ZC3H18: variants seen among roughly 807,000 people sequenced by gnomAD.
The protein encoded by ZC3H18 is zinc finger CCCH-type containing 18, also known as zinc finger CCCH domain-containing protein 18.
Under a neutral mutation model 106.1 loss-of-function variants are expected in ZC3H18, and 8 were observed. The observed-to-expected ratio is 0.08, with a 90% CI of 0.04 to 0.14. The LOEUF is 0.14. Ranked by LOEUF, ZC3H18 falls within the 10% of genes least tolerant of loss-of-function variation. ZC3H18 has a pLI of 1.00. For missense variants in ZC3H18, 1,318 were observed against 1,278.4 expected, an observed-to-expected ratio of 1.03 and a Z score of -0.47; for synonymous variants, 635 against 522.1, an observed-to-expected ratio of 1.22 and a Z score of -2.95.
rs1906364684 is a variant in ZC3H18 at position 88,627,176 on chromosome 16, T to G, written c.2109-446T>G. 1 of 154,384 alleles carries G rather than the reference T, an allele frequency of 6.5e-6. No homozygotes were observed. Among genetic ancestry groups the G allele is most frequent in the Admixed American group, 6.4e-5 (1 of 15,594 alleles). The allele number at this position is 154,384 out of a possible 1,614,324, so 9.6% of individuals were successfully genotyped here. A position where few individuals can be genotyped will look rare whatever the true frequency, so the allele number is the denominator to read the frequency against. On this transcript the variant is annotated intron_variant, in intron 13 of 17. Transcript: ENST00000301011. The surrounding 1 kb of genome is among the most constrained non-coding windows in gnomAD (Gnocchi z 4.5). ...CCTCCACCTCCCGGGTTCAAGCGAT[T>G]TTTTTGCCTCAGCCTCCCCAGTAGC...
chr16:88,623,539 T>A, intron 10 of ZC3H18, 195 bp downstream of exon 10: 1 of 707,724 alleles, frequency 1.4e-6, no homozygotes, highest in Non-Finnish European at 2.3e-6. Context: ...CGTCCTTGTG[T>A]AGATGCGTGC....
chr16:88,580,138 G>T (rs1362286523), intron 2 of ZC3H18, among the ~76,000 whole-genome samples: 1 of 150,142 alleles, frequency 6.7e-6, no homozygotes, highest in East Asian at 2.0e-4. Flanking sequence ...CTGCCTCTCT[G>T]TCGTGACACA....
chr16:88,605,876 C>T (rs1006992462), intron 6 of ZC3H18, among the ~76,000 whole-genome samples: 1 of 152,366 alleles, frequency 6.6e-6, no homozygotes, highest in African/African-American at 2.4e-5. Flanking sequence ...CAATGGTTCC[C>T]CTTAGCCAGG....
At chr16:88,630,665 C>A in intron 17 of ZC3H18, 84 bp downstream of exon 17, 1 of 1,231,024 alleles carries the variant, frequency 8.1e-7, no homozygotes. Context: ...AGCAGCAGGG[C>A]TAGCACTGGG....
chr16:88,623,876 G>T, intron 10 of ZC3H18, 82 bp from the exon 11 acceptor site: 2 of 1,522,736 alleles, frequency 1.3e-6, no homozygotes, highest in Admixed American at 2.1e-5. Context: ...CTTCTCCATG[G>T]GTCTGGGTGG....
At position 88,579,947 on chromosome 16, in the gene ZC3H18, G is replaced by T. The variant is rs564686195; in HGVS notation, c.603+2221G>T. Among the ~76,000 whole-genome samples, 3 of 152,238 alleles carry T rather than the reference G, an allele frequency of 2.0e-5. No homozygotes were observed. In the East Asian group the frequency reaches 5.8e-4, roughly 29 times the overall value. On this transcript the variant is annotated intron_variant, in intron 2 of 17. Coordinates refer to ENST00000301011, the MANE Select transcript of ZC3H18 (RefSeq NM_144604.4). ...GGGGCAGCAGGCCTTTAACCAAGGT[G>T]GGCAGTGCTGTGAATGGTGGGTTCA...
At chr16:88,616,521 C>G (rs543034528) in intron 8 of ZC3H18, among the ~76,000 whole-genome samples, 134 of 152,334 alleles carry the variant, frequency 8.8e-4, no homozygotes, top group African/African-American at 3.0e-3. Context: ...GGAGCCCTGC[C>G]AGGCCCGCTA....
intron 3 of ZC3H18, among the ~76,000 whole-genome samples, chr16:88,593,882 A>G (rs964274548): frequency 3.3e-5 from 5 of 152,342 alleles, no homozygotes; most frequent in African/African-American, 1.2e-4. Context: ...CCATTGCAGG[A>G]TGTCACAGAA....
chr16:88,628,870 C>G lies in ZC3H18; in HGVS notation c.2566+16C>G, dbSNP rs1266814365. On this transcript the variant is annotated intron_variant, in intron 16 of 17. Transcript: ENST00000301011. ...CCAGACCGAGGTGAGCCTCCCAGCCCCTAGGGGGCAGGGCAGAGGGACGGG... is the reference window on the plus strand; with the variant it reads ...CCAGACCGAGGTGAGCCTCCCAGCCGCTAGGGGGCAGGGCAGAGGGACGGG... 3.1e-6 allele frequency: 5 copies of G among 1,613,654 alleles called. No homozygotes were observed. The highest frequency in any genetic ancestry group is 4.2e-6 in the Non-Finnish European group (5 of 1,179,814).
rs1436147955 is a variant in ZC3H18, at chr16:88,623,219, G to T, written c.1668G>T (p.Arg556Ser). Residue 556 changes from arginine (R) to serine (S), a missense_variant and splice_region_variant, in exon 10 of 18, where the codon AGG becomes AGT. By Grantham distance (110) the Arg-to-Ser change is moderately radical (BLOSUM62 -1). This residue lies in a region of ZC3H18 where 848 missense variants were observed against 821.7 expected (regional missense o/e 1.03). Transcript: ENST00000301011. ...CCACGCTCCGTCCCGCCCGCCCCAGGTCGTCTTCGCGGTCATCGTCCTACT... is the reference window on the plus strand; with the variant it reads ...CCACGCTCCGTCCCGCCCGCCCCAGTTCGTCTTCGCGGTCATCGTCCTACT... The part of the protein sequence containing the change: ...ASSASASNSS[R>S]SSSRSSSYSG... The T allele has an allele frequency of 6.2e-7, 1 of 1,612,302 alleles. No individual in the cohort carries two copies. Among genetic ancestry groups the T allele is most frequent in the South Asian group, 1.1e-5 (1 of 91,066 alleles).
chr16:88,570,493 G>C lies in ZC3H18; in HGVS notation c.-88G>C, dbSNP rs1036362367. 1 of 151,978 alleles carries C rather than the reference G, an allele frequency of 6.6e-6. No individual in the cohort carries two copies. The highest frequency in any genetic ancestry group is 2.4e-5 in the African/African-American group (1 of 41,400). 9.4% of individuals were successfully genotyped at this position (151,978 alleles called of 1,614,324 possible). A position where few individuals can be genotyped will look rare whatever the true frequency, so the allele number is the denominator to read the frequency against. ...GAGCCAGAACCTGTGAAGAGCGGAAGGGCCAAGGGACGTCTTCTCCACGCC... is the reference window on the plus strand; with the variant it reads ...GAGCCAGAACCTGTGAAGAGCGGAACGGCCAAGGGACGTCTTCTCCACGCC... On this transcript the variant is annotated 5_prime_UTR_variant, in exon 1 of 18. Coordinates refer to ENST00000301011, the MANE Select transcript of ZC3H18 (RefSeq NM_144604.4).
At chr16:88,583,557 C>CTA (rs1305146769) in intron 2 of ZC3H18, among the ~76,000 whole-genome samples, 1 of 152,234 alleles carries the variant, frequency 6.6e-6, no homozygotes, top group African/African-American at 2.4e-5. Context: ...TGAACCTGGG[C>CTA]CTTTTCCCCC....
At chr16:88,587,865 G>T (rs1915527523) in intron 3 of ZC3H18, among the ~76,000 whole-genome samples, 1 of 152,230 alleles carries the variant, frequency 6.6e-6, no homozygotes, top group Non-Finnish European at 1.5e-5. Flanking sequence ...TCTTAGAGCA[G>T]CCGGGAACGC....
At chr16:88,628,968 A>G (rs4782307) in intron 16 of ZC3H18, 114 bp downstream of exon 16, 437,202 of 977,220 alleles carry the variant, frequency 0.45, 101,487 homozygotes, top group Admixed American at 0.55. Flanking sequence ...TCCAGAGAAC[A>G]TCTGACTTGC....
chr16:88,603,054 T>C (rs957608493), intron 6 of ZC3H18, among the ~76,000 whole-genome samples: 6 of 151,808 alleles, frequency 4.0e-5, no homozygotes, highest in Admixed American at 1.3e-4. Flanking sequence ...AAGCTCCGCC[T>C]CCTGGGTTCA....
chr16:88,619,422 G>A (rs555701166), intron 8 of ZC3H18, among the ~76,000 whole-genome samples: 22 of 152,312 alleles, frequency 1.4e-4, no homozygotes, highest in African/African-American at 4.6e-4. Flanking sequence ...AAGGTGGTGC[G>A]GCCGGCGGCA....
intron 1 of ZC3H18, among the ~76,000 whole-genome samples, chr16:88,571,996 T>C (rs1270792155): frequency 6.6e-6 from 1 of 152,220 alleles, no homozygotes; most frequent in African/African-American, 2.4e-5. Context: ...GTTGTGGTAG[T>C]AAAAATGTAG....
In ZC3H18 at chr16:88,631,345, C is replaced by CGCA; in HGVS notation, c.*49_*51dup. 2 of 1,549,368 alleles carry CGCA rather than the reference C, an allele frequency of 1.3e-6. No homozygotes were observed. Among genetic ancestry groups the CGCA allele is most frequent in the Non-Finnish European group, 1.7e-6 (2 of 1,145,578 alleles). On this transcript the variant is annotated 3_prime_UTR_variant, in exon 18 of 18. Coordinates refer to ENST00000301011, the MANE Select transcript of ZC3H18 (RefSeq NM_144604.4). ...GACGCATTTTTATACATAGGGTAAGCGCAGCCATTTTGGATTTTGCAGTTA... is the reference window on the plus strand; with the variant it reads ...GACGCATTTTTATACATAGGGTAAGCGCAGCAGCCATTTTGGATTTTGCAGTTA...
At chr16:88,589,708 C>T (rs1194943664) in intron 3 of ZC3H18, among the ~76,000 whole-genome samples, 2 of 151,732 alleles carry the variant, frequency 1.3e-5, no homozygotes, top group Non-Finnish European at 2.9e-5. Flanking sequence ...ACAATGTGGA[C>T]GAGCCTTAAA....
Sources: gnomAD v4.1 joint callset for allele counts (sites outside exome capture counted in the v4.1 genomes callset) on GRCh38, gnomAD v4.1.1 for gene constraint, gnomAD v4.1.1 regional missense constraint, Gnocchi (gnomAD v3.1) non-coding constraint, MANE v1.5 for transcripts, NCBI Gene and HGNC (gene_info 2026-07-23, HGNC 2026-07-21) for gene names.